GABBR2: variants seen among roughly 807,000 people sequenced by gnomAD.
The protein encoded by GABBR2 is G-protein coupled receptor 51.
GABBR2 carries 23 observed loss-of-function variants against 105.6 expected under a neutral mutation model. The ratio of observed to expected loss-of-function variants is 0.22; its 90% CI spans 0.16 to 0.31. The LOEUF is 0.31. Among genes scored for constraint, GABBR2 ranks in the 10% least tolerant of loss-of-function variants. The pLI is 1.00. For synonymous variants in GABBR2, 478 were observed against 499.7 expected (o/e 0.96, Z 0.58); for missense variants, 734 against 1,245.5 (o/e 0.59, Z 6.18).
At chr9:98,531,621 C>T (rs1017778308) in intron 3 of GABBR2, among the ~76,000 whole-genome samples, 1 of 152,248 alleles carries the variant, frequency 6.6e-6, no homozygotes, top group African/African-American at 2.4e-5. Context: ...GGTCTTCCCA[C>T]TCTGCAGGGG....
intron 2 of GABBR2, among the ~76,000 whole-genome samples, chr9:98,573,519 A>C (rs1373833274): frequency 1.3e-5 from 2 of 152,212 alleles, no homozygotes; most frequent in African/African-American, 4.8e-5. Flanking sequence ...CCTGGCTTAA[A>C]GCCATCCTCC....
chr9:98,431,678 T>A (rs991110208), intron 7 of GABBR2, among the ~76,000 whole-genome samples: 12 of 151,868 alleles, frequency 7.9e-5, no homozygotes, highest in South Asian at 2.1e-4. Flanking sequence ...TGGAAGGTTT[T>A]GTCTGTTTTT....
At chr9:98,364,214 C>G (rs1301637796) in intron 12 of GABBR2, among the ~76,000 whole-genome samples, 2 of 152,192 alleles carry the variant, frequency 1.3e-5, no homozygotes, top group African/African-American at 4.8e-5. Context: ...AGAAACCCAG[C>G]TTAACTCTCA....
intron 1 of GABBR2, among the ~76,000 whole-genome samples, chr9:98,694,209 G>A (rs1830720012): frequency 6.6e-6 from 1 of 152,130 alleles, no homozygotes; most frequent in Admixed American, 6.5e-5. Context: ...CTCTCCCCCA[G>A]CCACCCAACT....
Position 98,560,426 on chromosome 9 carries a change from T to TACAC in GABBR2, c.459+17505_459+17508dup, listed in dbSNP as rs1209503495. 3.7e-4 allele frequency among the ~76,000 whole-genome samples: 24 copies of TACAC among 64,268 alleles called. No individual in the cohort carries two copies. In the South Asian group the frequency reaches 0.012, roughly 32 times the overall value. 42.2% of individuals were successfully genotyped at this position (64,268 alleles called of 152,430 possible). Reference sequence around the variant, plus strand: ...ATACACACACACACACATATACACATACACACACACACACATACACACACA... The same window carrying TACAC: ...ATACACACACACACACATATACACATACACACACACACACACACATACACACACA... On this transcript the variant is annotated intron_variant, in intron 2 of 18. Transcript: ENST00000259455.
chr9:98,600,042 C>T (rs1005028639), intron 1 of GABBR2, among the ~76,000 whole-genome samples: 2 of 152,132 alleles, frequency 1.3e-5, no homozygotes, highest in African/African-American at 2.4e-5. Flanking sequence ...GGGGGATGGG[C>T]TCATGGAGGC....
intron 1 of GABBR2, among the ~76,000 whole-genome samples, chr9:98,583,941 C>G (rs1031321075): frequency 6.6e-6 from 1 of 152,226 alleles, no homozygotes; most frequent in Non-Finnish European, 1.5e-5. Flanking sequence ...CTTTTCAATA[C>G]CCCATTTAAG....
In GABBR2 at chr9:98,641,036, T is replaced by C. The variant is rs550397527; in HGVS notation, c.322-62964A>G. Among the ~76,000 whole-genome samples the C allele has an allele frequency of 7.4e-4, 112 of 152,174 alleles. 1 individual carries two copies. The highest frequency in any genetic ancestry group is 1.3e-3 in the Non-Finnish European group (89 of 67,998). ...CCTGGAGGCCTTACTGAAATGCACA[T>C]ACCTGGGCTTCCTTCTCCCCTCCAC... is the stretch of plus-strand genomic sequence containing the variant. On this transcript the variant is annotated intron_variant, in intron 1 of 18. Coordinates refer to ENST00000259455, the MANE Select transcript of GABBR2 (RefSeq NM_005458.8).
At chr9:98,353,169 A>G (rs751561459) in intron 13 of GABBR2, among the ~76,000 whole-genome samples, 5 of 151,986 alleles carry the variant, frequency 3.3e-5, no homozygotes, top group Non-Finnish European at 4.4e-5. Context: ...CTAAAGATCT[A>G]TTTTCCCCAC....
intron 7 of GABBR2, among the ~76,000 whole-genome samples, chr9:98,436,132 T>C (rs1230852900): frequency 6.6e-6 from 1 of 150,866 alleles, no homozygotes; most frequent in African/African-American, 2.4e-5. Flanking sequence ...GTCATGTCTC[T>C]GTGGTTGTAC....
chr9:98,305,977 T>G, intron 15 of GABBR2, 144 bp downstream of exon 15: 1 of 641,540 alleles, frequency 1.6e-6, no homozygotes, highest in Non-Finnish European at 2.7e-6. Context: ...ACTGTGCATT[T>G]TCTGAATTTT....
chr9:98,543,358 TTA>T (rs1046930537), intron 2 of GABBR2, among the ~76,000 whole-genome samples: 1 of 150,880 alleles, frequency 6.6e-6, no homozygotes, highest in Non-Finnish European at 1.5e-5. Flanking sequence ...TTAATTTTAT[TTA>T]TATATATATT....
chr9:98,320,941 C>T (rs1310730850), intron 13 of GABBR2, among the ~76,000 whole-genome samples: 2 of 151,568 alleles, frequency 1.3e-5, no homozygotes, highest in Non-Finnish European at 2.9e-5. Context: ...AACTAACCTG[C>T]ACAATGTGCA....
chr9:98,643,302 C>G (rs570877980), intron 1 of GABBR2, among the ~76,000 whole-genome samples: 1 of 152,328 alleles, frequency 6.6e-6, no homozygotes, highest in Non-Finnish European at 1.5e-5. Context: ...GGGGCAGCGA[C>G]AGGGGTGGCT....
intron 6 of GABBR2, among the ~76,000 whole-genome samples, chr9:98,459,877 C>G (rs1229078894): frequency 6.6e-6 from 1 of 152,232 alleles, no homozygotes; most frequent in Non-Finnish European, 1.5e-5. Context: ...TGCCACTACT[C>G]TAACTACTTG....
intron 3 of GABBR2, among the ~76,000 whole-genome samples, chr9:98,513,181 G>T (rs1190647051): frequency 1.3e-5 from 2 of 152,090 alleles, no homozygotes; most frequent in African/African-American, 2.4e-5. Flanking sequence ...AATAAATGGT[G>T]CTGGGAAAAC....
intron 1 of GABBR2, among the ~76,000 whole-genome samples, chr9:98,589,711 CTTTT>C (rs561852717): frequency 7.5e-6 from 1 of 132,722 alleles, no homozygotes. Context: ...GTTTGGCTGT[CTTTT>C]TTTTTTTTTT....
intron 1 of GABBR2, among the ~76,000 whole-genome samples, chr9:98,643,838 T>A (rs1829998615): frequency 6.6e-6 from 1 of 152,110 alleles, no homozygotes; most frequent in Non-Finnish European, 1.5e-5. Flanking sequence ...AACTGCTAAC[T>A]GCCATGTTGC....
At chr9:98,551,766 C>A (rs1828490223) in intron 2 of GABBR2, among the ~76,000 whole-genome samples, 1 of 152,142 alleles carries the variant, frequency 6.6e-6, no homozygotes, top group Admixed American at 6.5e-5. Flanking sequence ...AGCTACGAGG[C>A]CTCTTTAGGG....
Sources: allele counts gnomAD v4.1 joint callset (sites outside exome capture counted in the v4.1 genomes callset), GRCh38; gene constraint gnomAD v4.1.1; transcripts MANE v1.5; gene names NCBI Gene and HGNC (gene_info 2026-07-23, HGNC 2026-07-21).